Variants in LCORL observed in about 807,000 individuals in gnomAD.
LCORL encodes the protein ligand dependent nuclear receptor corepressor like, also known as ligand-dependent nuclear receptor corepressor-like protein.
LCORL carries 41 observed loss-of-function variants against 141.8 expected under a neutral mutation model. The ratio of observed to expected loss-of-function variants is 0.29; its 90% CI spans 0.23 to 0.38. The LOEUF (loss-of-function observed/expected upper bound fraction) is 0.38. Among genes scored for constraint, LCORL ranks in the 10% least tolerant of loss-of-function variants. The pLI is 1.00. For missense variants in LCORL, 1,759 were observed against 2,035.0 expected, an observed-to-expected ratio of 0.86 and a Z score of 2.61; for synonymous variants, 618 against 694.1, an observed-to-expected ratio of 0.89 and a Z score of 1.72.
chr4:17,904,766 C>T (rs1731362129), intron 5 of LCORL, among the ~76,000 whole-genome samples: 1 of 152,164 alleles, frequency 6.6e-6, no homozygotes, highest in Non-Finnish European at 1.5e-5. Flanking sequence ...CAATAGCACC[C>T]TGTTTTAATT....
exon 7 of LCORL, chr4:17,877,300 A>G: frequency 1.6e-6 from 2 of 1,229,532 alleles, no homozygotes; most frequent in East Asian, 3.2e-5. Flanking sequence ...CCCAATTTTA[A>G]ATCATTATAT....
intron 4 of LCORL, among the ~76,000 whole-genome samples, chr4:17,946,755 A>C (rs1376149339): frequency 2.0e-5 from 3 of 151,970 alleles, no homozygotes; most frequent in Non-Finnish European, 4.4e-5. Context: ...ACAATCTCAT[A>C]CATCATTGTG....
At chr4:17,896,574 G>A (rs187107472) in intron 5 of LCORL, among the ~76,000 whole-genome samples, 10 of 152,180 alleles carry the variant, frequency 6.6e-5, no homozygotes, top group East Asian at 1.9e-4. Context: ...GAGCCACCAC[G>A]CCTGGCCTGT....
intron 1 of LCORL, among the ~76,000 whole-genome samples, chr4:17,993,020 G>A (rs893092947): frequency 6.6e-6 from 1 of 152,102 alleles, no homozygotes; most frequent in African/African-American, 2.4e-5. Context: ...GTAAATGTTA[G>A]CTAGGCAAAA....
chr4:17,999,570 T>G (rs1439997756), intron 1 of LCORL, among the ~76,000 whole-genome samples: 2 of 152,184 alleles, frequency 1.3e-5, no homozygotes, highest in Non-Finnish European at 2.9e-5. Flanking sequence ...GACCAAAATG[T>G]CTTTACGTAG....
rs191650215 is a variant in LCORL at position 17,870,012 on chromosome 4, T to C, written c.5602+3376A>G. Among the ~76,000 whole-genome samples the C allele has an allele frequency of 2.6e-5, 4 of 152,320 alleles. No homozygotes were observed. In the East Asian group the frequency reaches 7.7e-4, roughly 29 times the overall value. On this transcript the variant is annotated intron_variant, in intron 7 of 7. Coordinates refer to ENST00000635767, the Ensembl canonical transcript of LCORL. ...CTTAAAACATTTTTTGTTTCATTATTTGATGCTGACCTCACAATATGGGCT... is the reference window on the plus strand; with the variant it reads ...CTTAAAACATTTTTTGTTTCATTATCTGATGCTGACCTCACAATATGGGCT...
At chr4:17,911,326 A>G (rs61194179) in intron 4 of LCORL, among the ~76,000 whole-genome samples, 6,441 of 152,182 alleles carry the variant, frequency 0.042, 445 homozygotes, top group African/African-American at 0.15. Context: ...GTTCATGGAA[A>G]ACGCATATTA....
chr4:17,960,785 T>A (rs1456293198), intron 4 of LCORL, among the ~76,000 whole-genome samples: 1 of 152,048 alleles, frequency 6.6e-6, no homozygotes, highest in Non-Finnish European at 1.5e-5. Context: ...GTACTAAAAA[T>A]TTTGAAAAAA....
rs80243231 is a variant in LCORL at position 17,959,626 on chromosome 4, A to T, written c.430+2277T>A. Reference sequence around the variant, plus strand: ...TATTTATCATTAGCACCATCTCAAAAAGCATAAGTTGGGAAAGACAATAAA... The same window carrying T: ...TATTTATCATTAGCACCATCTCAAATAGCATAAGTTGGGAAAGACAATAAA... On this transcript the variant is annotated intron_variant, in intron 4 of 7. Transcript: ENST00000635767. Among the ~76,000 whole-genome samples, 7 of 152,204 alleles carry T rather than the reference A, an allele frequency of 4.6e-5. No individual in the cohort carries two copies. The East Asian group carries it at 1.3e-3, about 29-fold the overall frequency.
chr4:17,975,955 G>A (rs1042779016), intron 1 of LCORL, among the ~76,000 whole-genome samples: 3 of 151,972 alleles, frequency 2.0e-5, no homozygotes, highest in African/African-American at 7.3e-5. Flanking sequence ...TGCCAATTTT[G>A]ATGCTCTGTT....
At chr4:17,976,818 G>A (rs902557944) in intron 1 of LCORL, among the ~76,000 whole-genome samples, 3 of 152,102 alleles carry the variant, frequency 2.0e-5, no homozygotes. Flanking sequence ...TTGCTGGCAA[G>A]TTTACAATCT....
intron 2 of LCORL, among the ~76,000 whole-genome samples, chr4:17,969,052 G>C (rs553745311): frequency 6.6e-6 from 1 of 152,286 alleles, no homozygotes; most frequent in South Asian, 2.1e-4. Flanking sequence ...TATAAAATCA[G>C]ATGGCCCCAA....
chr4:17,884,710 A>G lies in LCORL; in HGVS notation c.776+1358T>C, dbSNP rs1190610864. Reference sequence around the variant, plus strand: ...TTGAGAGCAAACCATCTGCAAACTCAGCACTTCTTTCCACATAGTCCTCTC... The same window carrying G: ...TTGAGAGCAAACCATCTGCAAACTCGGCACTTCTTTCCACATAGTCCTCTC... On this transcript the variant is annotated intron_variant, in intron 6 of 7. Transcript: ENST00000635767. The surrounding 1 kb of genome is among the most constrained non-coding windows in gnomAD (Gnocchi z 4.4). 1 of 1,507,438 alleles carries G rather than the reference A, an allele frequency of 6.6e-7. No homozygotes were observed. The allele number at this position is 1,507,438 out of a possible 1,614,324, so 93.4% of individuals were successfully genotyped here.
intron 7 of LCORL, among the ~76,000 whole-genome samples, chr4:17,859,646 G>C (rs1168624632): frequency 6.6e-6 from 1 of 152,084 alleles, no homozygotes. Flanking sequence ...AATGATAACT[G>C]TGTAAAGAAA....
intron 7 of LCORL, among the ~76,000 whole-genome samples, chr4:17,854,574 ATATC>A (rs781221205): frequency 1.4e-4 from 21 of 152,228 alleles, no homozygotes; most frequent in Admixed American, 3.9e-4. Context: ...GGAGATCAAA[ATATC>A]TAGCCAGGTA....
chr4:17,967,827 T>C (rs1179298630), intron 2 of LCORL, among the ~76,000 whole-genome samples: 1 of 152,132 alleles, frequency 6.6e-6, no homozygotes, highest in Non-Finnish European at 1.5e-5. Context: ...CCTTTAGTTT[T>C]AATTGCCATT....
chr4:17,966,663 T>C (rs916746757), intron 2 of LCORL, among the ~76,000 whole-genome samples: 5 of 152,218 alleles, frequency 3.3e-5, no homozygotes, highest in African/African-American at 1.2e-4. Flanking sequence ...CCCAAGAAGA[T>C]ACATAGTGGC....
intron 1 of LCORL, among the ~76,000 whole-genome samples, chr4:18,014,058 TCA>T: frequency 6.6e-6 from 1 of 152,132 alleles, no homozygotes; most frequent in African/African-American, 2.4e-5. Context: ...TCCGCCTGCC[TCA>T]GTCTCCCAAA....
chr4:17,998,776 G>A (rs1418462190), intron 1 of LCORL, among the ~76,000 whole-genome samples: 1 of 150,658 alleles, frequency 6.6e-6, no homozygotes, highest in East Asian at 2.0e-4. Context: ...ACCAGCCTGG[G>A]CAACATAACG....
Sources: allele counts gnomAD v4.1 joint callset (sites outside exome capture counted in the v4.1 genomes callset), GRCh38; gene constraint gnomAD v4.1.1; non-coding constraint Gnocchi (gnomAD v3.1); transcripts MANE v1.5; gene names NCBI Gene and HGNC (gene_info 2026-07-23, HGNC 2026-07-21).